Variants in CLEC4A observed in about 807,000 individuals in gnomAD.
CLEC4A encodes C-type lectin domain family 4 member A, also known as C-type (calcium dependent, carbohydrate-recognition domain) lectin, superfamily member 6.
In CLEC4A, 27 loss-of-function variants were observed where a neutral mutation model predicts 32.7. The ratio of observed to expected loss-of-function variants is 0.83; its 90% CI spans 0.61 to 1.14. The LOEUF (loss-of-function observed/expected upper bound fraction) is 1.14, where lower values mean the gene tolerates loss of function less well. Among genes scored for constraint, CLEC4A ranks in the 50% most tolerant of loss-of-function variants. CLEC4A has a pLI of 0.00. For synonymous variants in CLEC4A, 89 were observed against 93.7 expected (o/e 0.95, Z 0.29); for missense variants, 253 against 274.6 (o/e 0.92, Z 0.55).
intron 2 of CLEC4A, 131 bp downstream of exon 2, chr12:8,125,808 C>T: frequency 1.6e-6 from 1 of 630,696 alleles, no homozygotes; most frequent in Non-Finnish European, 2.8e-6. Flanking sequence ...AGACATAATT[C>T]ATGGGAATCC....
Position 8,135,590 on chromosome 12 carries a change from G to A in CLEC4A, c.304G>A (p.Ala102Thr). 1.2e-6 allele frequency: 2 copies of A among 1,614,114 alleles called. No homozygotes were observed. Among genetic ancestry groups the A allele is most frequent in the Non-Finnish European group, 1.7e-6 (2 of 1,179,964 alleles). The stretch of plus-strand genomic sequence containing the variant: ...TGCCCCTCTTCCCAATACAGAGACA[G>A]CCTGGAGCTGTTGCCCAAAGAATTG... ...VKKNMPVEET[A>T]WSCCPKNWKS... The change falls in exon 4 of 6, where the codon GCC (alanine) becomes ACC (threonine). Residue 102 changes from alanine to threonine, a missense_variant. Coordinates refer to ENST00000229332, the MANE Select transcript of CLEC4A (RefSeq NM_016184.4).
At chr12:8,128,535 C>T (rs533507888) in intron 2 of CLEC4A, among the ~76,000 whole-genome samples, 1 of 152,032 alleles carries the variant, frequency 6.6e-6, no homozygotes, top group South Asian at 2.1e-4. Flanking sequence ...CTCAGCTTCC[C>T]GAGTAGCTGG....
chr12:8,103,356 TTTC>T, the CLEC4A span, among the ~76,000 whole-genome samples: 1 of 6,346 alleles, frequency 1.6e-4, no homozygotes, highest in East Asian at 0.045. Context: ...CTACTAGTTG[TTTC>T]TTTGTTTCTT....
At chr12:8,104,817 CAT>C in the CLEC4A span, among the ~76,000 whole-genome samples, 1 of 152,146 alleles carries the variant, frequency 6.6e-6, no homozygotes, top group South Asian at 2.1e-4. Flanking sequence ...CACGTGAGAA[CAT>C]GTGGTATTTG....
chr12:8,108,585 G>A, the CLEC4A span, among the ~76,000 whole-genome samples: 2 of 152,086 alleles, frequency 1.3e-5, no homozygotes, highest in African/African-American at 4.8e-5. Flanking sequence ...TTACTTGTGG[G>A]TCCTTAGCCT....
chr12:8,107,952 T>C, the CLEC4A span, among the ~76,000 whole-genome samples: 1 of 152,168 alleles, frequency 6.6e-6, no homozygotes, highest in Non-Finnish European at 1.5e-5. Context: ...TGCTCTTGTT[T>C]CTCTAGTTCC....
chr12:8,137,324 G>A (rs1048894385), intron 5 of CLEC4A, among the ~76,000 whole-genome samples: 1 of 152,022 alleles, frequency 6.6e-6, no homozygotes, highest in Non-Finnish European at 1.5e-5. Flanking sequence ...TGTCAACCAG[G>A]CTGGAGTGCA....
At chr12:8,123,258 G>C (rs897945108), upstream of CLEC4A, among the ~76,000 whole-genome samples, 32 of 152,192 alleles carry the variant, frequency 2.1e-4, no homozygotes, top group African/African-American at 6.5e-4. Context: ...AACACAGAGA[G>C]CATGGAGGAA....
chr12:8,137,637 A>G (rs748602322), intron 5 of CLEC4A, among the ~76,000 whole-genome samples: 6 of 152,196 alleles, frequency 3.9e-5, no homozygotes, highest in Non-Finnish European at 8.8e-5. Context: ...TAGTGATATT[A>G]CTCTAGTCCT....
At chr12:8,128,240 A>C (rs112279773) in intron 2 of CLEC4A, among the ~76,000 whole-genome samples, 2 of 152,244 alleles carry the variant, frequency 1.3e-5, no homozygotes, top group African/African-American at 4.8e-5. Context: ...GGGAAAGGCA[A>C]CTGGGGTCAA....
chr12:8,134,956 T>C (rs1307022071), intron 3 of CLEC4A: 1 of 857,870 alleles, frequency 1.2e-6, no homozygotes, highest in Non-Finnish European at 1.5e-6. Context: ...AGCATGTCTG[T>C]ATCTTCTTGT....
chr12:8,125,586 C>T lies in CLEC4A; in HGVS notation c.108C>T (p.His36=). 1.9e-6 allele frequency: 3 copies of T among 1,612,352 alleles called. No individual in the cohort carries two copies. Among genetic ancestry groups the T allele is most frequent in the Non-Finnish European group, 2.5e-6 (3 of 1,178,414 alleles). The change falls in exon 2 of 6, where the codon CAC becomes CAT. Residue 36 remains histidine, a synonymous_variant. Transcript: ENST00000229332. ...SAASKERTAP[H]KSNTGFPKLL... Reference sequence around the variant, plus strand: ...CTTCCAAGGAGAGGACTGCCCCTCACAAAAGTAATACCGGATTCCCCAAGC... The same window carrying T: ...CTTCCAAGGAGAGGACTGCCCCTCATAAAAGTAATACCGGATTCCCCAAGC...
upstream of CLEC4A, among the ~76,000 whole-genome samples, chr12:8,120,029 G>A (rs1211186428): frequency 1.3e-5 from 2 of 152,182 alleles, no homozygotes; most frequent in African/African-American, 4.8e-5. Context: ...ATGGGGTAAG[G>A]ACTGAGAGGG....
chr12:8,107,108 C>CT, the CLEC4A span, among the ~76,000 whole-genome samples: 4 of 151,904 alleles, frequency 2.6e-5, no homozygotes, highest in African/African-American at 7.3e-5. Flanking sequence ...TATCAAAAGC[C>CT]TTTTTTTGCA....
intron 2 of CLEC4A, 57 bp from the exon 3 acceptor site, chr12:8,129,207 A>G: frequency 1.8e-6 from 2 of 1,128,032 alleles, no homozygotes; most frequent in Admixed American, 2.3e-5. Flanking sequence ...AAGTAACGAT[A>G]AAGAGCAAAG....
intron 3 of CLEC4A, among the ~76,000 whole-genome samples, chr12:8,133,214 C>CT (rs1948031590): frequency 6.6e-6 from 1 of 152,038 alleles, no homozygotes; most frequent in African/African-American, 2.4e-5. Context: ...CACGCCCAGC[C>CT]TTTTTTTGGT....
At chr12:8,130,955 T>C (rs1211234347) in intron 3 of CLEC4A, among the ~76,000 whole-genome samples, 2 of 152,178 alleles carry the variant, frequency 1.3e-5, no homozygotes, top group East Asian at 1.9e-4. Context: ...CATGTCTCTT[T>C]AGGCACGTCT....
upstream of CLEC4A, among the ~76,000 whole-genome samples, chr12:8,119,966 A>G (rs185611816): frequency 2.0e-3 from 312 of 152,346 alleles, 4 homozygotes; most frequent in Admixed American, 3.1e-3. Flanking sequence ...TTATGATTGC[A>G]GTTTTATTAT....
At position 8,138,253 on chromosome 12, in the gene CLEC4A, G is replaced by C; in HGVS notation, c.680G>C (p.Arg227Thr). The C allele has an allele frequency of 6.2e-7, 1 of 1,614,080 alleles. No individual in the cohort carries two copies. The highest frequency in any genetic ancestry group is 8.5e-7 in the Non-Finnish European group (1 of 1,180,014). ...WNDVNCLGPQ[R>T]SVCEMMKIHL ...GATGTTAATTGTCTTGGTCCTCAAA[G>C]GTCAGTTTGTGAGATGATGAAGATC... The change falls in exon 6 of 6, where the codon AGG (arginine) becomes ACG (threonine). Residue 227 changes from arginine (R) to threonine (T), a missense_variant. By Grantham distance (71) the Arg-to-Thr change is moderately conservative. Transcript: ENST00000229332.
Sources: gnomAD v4.1 joint callset for allele counts (sites outside exome capture counted in the v4.1 genomes callset) on GRCh38, gnomAD v4.1.1 for gene constraint, MANE v1.5 for transcripts, NCBI Gene and HGNC (gene_info 2026-07-23, HGNC 2026-07-21) for gene names.